The following SYTL2 variants were observed in gnomAD, a reference collection of about 807,000 sequenced individuals.
SYTL2 encodes synaptotagmin like 2.
Under a neutral mutation model 198.7 loss-of-function variants are expected in SYTL2, and 165 were observed. The ratio of observed to expected loss-of-function variants is 0.83; its 90% CI spans 0.73 to 0.94. SYTL2 has a LOEUF of 0.94. SYTL2 is among the 40% of genes least tolerant of loss of function. SYTL2 has a pLI of 0.00. For synonymous variants in SYTL2, 966 were observed against 917.7 expected (o/e 1.05, Z -0.95); for missense variants, 2,835 against 2,582.8 (o/e 1.10, Z -2.12).
intron 1 of SYTL2, among the ~76,000 whole-genome samples, chr11:85,802,226 T>TC (rs2153651029): frequency 6.8e-6 from 1 of 148,144 alleles, no homozygotes; most frequent in Admixed American, 6.7e-5. Context: ...TTTTCTTTTT[T>TC]TTTTTTTTTT....
At chr11:85,732,533 G>A (rs2089920319) in intron 7 of SYTL2, among the ~76,000 whole-genome samples, 1 of 146,802 alleles carries the variant, frequency 6.8e-6, no homozygotes. Context: ...ATAAGTGGGA[G>A]TTCAACAATG....
Position 85,725,596 on chromosome 11 carries a change from T to C in SYTL2, c.3762A>G (p.Glu1254=), listed in dbSNP as rs141576170. The C allele has an allele frequency of 1.1e-5, 18 of 1,614,046 alleles. No individual in the cohort carries two copies. The African/African-American group carries it at 2.0e-4, about 18-fold the overall frequency. ...EEGRFFGKGI[E]QSHNTSADKR... Reference sequence around the variant, plus strand: ...TATCAGCTGAAGTATTGTGACTCTGTTCTATCCCTTTTCCAAAAAATCTCC... The same window carrying C: ...TATCAGCTGAAGTATTGTGACTCTGCTCTATCCCTTTTCCAAAAAATCTCC... The change falls in exon 8 of 20, where the codon GAA becomes GAG. Residue 1254 remains glutamate, a synonymous_variant. Coordinates refer to ENST00000359152, the MANE Select transcript of SYTL2 (RefSeq NM_206927.4).
intron 1 of SYTL2, among the ~76,000 whole-genome samples, chr11:85,777,799 A>G (rs1189466494): frequency 7.4e-6 from 1 of 135,176 alleles, no homozygotes; most frequent in Non-Finnish European, 1.6e-5. Flanking sequence ...TACCAGAATT[A>G]CAGGTCTTAC....
the SYTL2 span, among the ~76,000 whole-genome samples, chr11:85,849,262 T>C: frequency 6.6e-6 from 1 of 152,202 alleles, no homozygotes; most frequent in African/African-American, 2.4e-5. Flanking sequence ...CTGATGGTAG[T>C]TTCTTTTGCT....
chr11:85,726,707 A>G lies in SYTL2; in HGVS notation c.2651T>C (p.Ile884Thr). ...AAGATAGTATCTGGATGGACCTGCT[A>G]TTTGTGGCTTGGTCTCTTTAGATTT... ...SNKSKETKPQIAGPSRYYLSA... is the reference protein window; with the variant it reads ...SNKSKETKPQTAGPSRYYLSA... Residue 884 changes from isoleucine to threonine, a missense_variant, in exon 8 of 20, where the codon ATA (isoleucine) becomes ACA (threonine). Ile to Thr is a moderately conservative substitution (Grantham distance 89). This residue lies in a region of SYTL2 where 2,645 missense variants were observed against 2,381.7 expected (regional missense o/e 1.11). Transcript: ENST00000359152. The G allele has an allele frequency of 6.5e-7, 1 of 1,536,214 alleles. No homozygotes were observed. Among genetic ancestry groups the G allele is most frequent in the Non-Finnish European group, 8.7e-7 (1 of 1,146,922 alleles).
the SYTL2 span, among the ~76,000 whole-genome samples, chr11:85,819,986 T>C: frequency 2.6e-5 from 4 of 152,238 alleles, no homozygotes; most frequent in African/African-American, 9.6e-5. Context: ...CTGCACTGAA[T>C]TGAATTTTTG....
At chr11:85,746,201 GC>G (rs2091145964) in intron 3 of SYTL2, among the ~76,000 whole-genome samples, 2 of 152,044 alleles carry the variant, frequency 1.3e-5, no homozygotes, top group African/African-American at 4.8e-5. Context: ...TCTTGTATGT[GC>G]TCTAAGATAC....
chr11:85,838,031 C>A, the SYTL2 span, among the ~76,000 whole-genome samples: 2 of 152,124 alleles, frequency 1.3e-5, no homozygotes, highest in African/African-American at 4.8e-5. Context: ...CGGTAGCACC[C>A]CTTCCCCAGT....
intron 1 of SYTL2, among the ~76,000 whole-genome samples, chr11:85,810,087 C>T (rs2093011202): frequency 2.0e-5 from 3 of 152,174 alleles, no homozygotes; most frequent in Non-Finnish European, 4.4e-5. Flanking sequence ...TGTCTGAAGC[C>T]CCACCGGGCT....
chr11:85,786,827 G>T (rs1373430651), intron 1 of SYTL2, among the ~76,000 whole-genome samples: 2 of 152,090 alleles, frequency 1.3e-5, no homozygotes, highest in Non-Finnish European at 2.9e-5. Context: ...CTCCATATCT[G>T]GGATAAAAGG....
At chr11:85,696,424 T>C in intron 18 of SYTL2, 36 bp from the exon 19 acceptor site, 1 of 1,509,716 alleles carries the variant, frequency 6.6e-7, no homozygotes, top group Non-Finnish European at 9.2e-7. Flanking sequence ...AGCATTTTAG[T>C]AAGATAGTGA....
chr11:85,754,265 T>C (rs2091725971), intron 2 of SYTL2, among the ~76,000 whole-genome samples: 1 of 152,180 alleles, frequency 6.6e-6, no homozygotes, highest in Non-Finnish European at 1.5e-5. Flanking sequence ...TGGGGCCATG[T>C]TTTCAATCAC....
chr11:85,844,478 A>G, the SYTL2 span, among the ~76,000 whole-genome samples: 1 of 152,212 alleles, frequency 6.6e-6, no homozygotes, highest in Non-Finnish European at 1.5e-5. Flanking sequence ...ATACTGCCTC[A>G]TTCTCCAGAT....
intron 15 of SYTL2, among the ~76,000 whole-genome samples, chr11:85,705,516 C>A (rs2153399239): frequency 6.6e-6 from 1 of 152,190 alleles, no homozygotes; most frequent in African/African-American, 2.4e-5. Flanking sequence ...ACACACACCT[C>A]CCCCACTATC....
At chr11:85,816,830 C>T in the SYTL2 span, among the ~76,000 whole-genome samples, 1 of 149,422 alleles carries the variant, frequency 6.7e-6, no homozygotes, top group African/African-American at 2.5e-5. Context: ...GGGAGGATCA[C>T]TGGAGCCCAG....
At chr11:85,781,247 A>C (rs950136985) in intron 1 of SYTL2, among the ~76,000 whole-genome samples, 1 of 152,188 alleles carries the variant, frequency 6.6e-6, no homozygotes, top group Non-Finnish European at 1.5e-5. Flanking sequence ...AGTGCTAAGC[A>C]AAAGGGGAAA....
rs1290331503 is a variant in SYTL2 at position 85,752,907 on chromosome 11, C to T, written c.102-4484G>A. On this transcript the variant is annotated intron_variant, in intron 2 of 19. Coordinates refer to ENST00000359152, the MANE Select transcript of SYTL2 (RefSeq NM_206927.4). The stretch of plus-strand genomic sequence containing the variant: ...CTGGAAATTAGTCCTTCAATGACAA[C>T]TGCCTTCATTAAAAAAAAAAAAAAA... Among the ~76,000 whole-genome samples, 3 of 100,892 alleles carry T rather than the reference C, an allele frequency of 3.0e-5. No individual in the cohort carries two copies. In the South Asian group the frequency reaches 1.1e-3, roughly 38 times the overall value. 66.2% of individuals were successfully genotyped at this position (100,892 alleles called of 152,430 possible).
At position 85,694,424 on chromosome 11, in the gene SYTL2, T is replaced by C. The variant is rs1207395638; in HGVS notation, c.*771A>G. On this transcript the variant is annotated 3_prime_UTR_variant, in exon 20 of 20. Transcript: ENST00000359152. ...CAAAACATGTTTGTGACTACTCTTA[T>C]GCTGCTTTCATATAGTAAAGTTATA... The C allele has an allele frequency of 1.3e-5, 2 of 152,254 alleles. No homozygotes were observed. The highest frequency in any genetic ancestry group is 2.4e-5 in the African/African-American group (1 of 41,470). The allele number at this position is 152,254 out of a possible 1,614,324, so 9.4% of individuals were successfully genotyped here.
At chr11:85,792,876 G>A (rs1201622343) in intron 1 of SYTL2, among the ~76,000 whole-genome samples, 1 of 151,734 alleles carries the variant, frequency 6.6e-6, no homozygotes, top group Non-Finnish European at 1.5e-5. Context: ...AGAACATGCA[G>A]TGTTTGGGTT....
Sources: gnomAD v4.1 joint callset for allele counts (sites outside exome capture counted in the v4.1 genomes callset) on GRCh38, gnomAD v4.1.1 for gene constraint, gnomAD v4.1.1 regional missense constraint, MANE v1.5 for transcripts, NCBI Gene and HGNC (gene_info 2026-07-23, HGNC 2026-07-21) for gene names.